The following SLC24A2 variants were observed in gnomAD, a reference collection of about 807,000 sequenced individuals.
SLC24A2 encodes the protein sodium/potassium/calcium exchanger 2.
Under a neutral mutation model 62.0 loss-of-function variants are expected in SLC24A2, and 36 were observed. That is an observed-to-expected ratio of 0.58 (90% CI 0.44 to 0.77). SLC24A2 has a LOEUF of 0.77. SLC24A2 is among the 30% of genes least tolerant of loss of function. The pLI is 0.00. For synonymous variants in SLC24A2, 358 were observed against 294.0 expected, an observed-to-expected ratio of 1.22 and a Z score of -2.23; for missense variants, 846 against 817.9, an observed-to-expected ratio of 1.03 and a Z score of -0.42.
At chr9:19,639,038 G>C (rs1338301772) in intron 2 of SLC24A2, among the ~76,000 whole-genome samples, 4 of 152,166 alleles carry the variant, frequency 2.6e-5, no homozygotes, top group African/African-American at 7.2e-5. Context: ...TATCATCCCA[G>C]ATGGGAACAT....
At chr9:19,521,163 G>T (rs1053602253) in intron 9 of SLC24A2, 103 bp from the exon 10 acceptor site, 6 of 1,008,908 alleles carry the variant, frequency 5.9e-6, no homozygotes, top group Admixed American at 2.0e-5. Flanking sequence ...TTTCTATACT[G>T]TGCTATGCAA....
chr9:20,017,412 A>G, the SLC24A2 span, among the ~76,000 whole-genome samples: 2 of 152,166 alleles, frequency 1.3e-5, no homozygotes, highest in Non-Finnish European at 2.9e-5. Context: ...TATCTTTATC[A>G]TATATTATTA....
the SLC24A2 span, among the ~76,000 whole-genome samples, chr9:20,221,328 C>G: frequency 6.6e-6 from 1 of 151,746 alleles, no homozygotes; most frequent in Non-Finnish European, 1.5e-5. Flanking sequence ...GAGAAGTGGC[C>G]ATTTTCTGGG....
Position 19,572,550 on chromosome 9 carries a change from T to C in SLC24A2, c.1347+801A>G, listed in dbSNP as rs185168144. 4.6e-5 allele frequency among the ~76,000 whole-genome samples: 7 copies of C among 152,276 alleles called. No homozygotes were observed. In the East Asian group the frequency reaches 1.2e-3, roughly 25 times the overall value. ...CCTCTTTTTCTTTCCTGCTCTGCCATGGTAAGACATGCTTGCTTCCCCTTC... is the reference window on the plus strand; with the variant it reads ...CCTCTTTTTCTTTCCTGCTCTGCCACGGTAAGACATGCTTGCTTCCCCTTC... On this transcript the variant is annotated intron_variant, in intron 7 of 10. Coordinates refer to ENST00000341998, the MANE Select transcript of SLC24A2 (RefSeq NM_020344.4).
chr9:19,895,234 T>G, the SLC24A2 span, among the ~76,000 whole-genome samples: 9 of 151,976 alleles, frequency 5.9e-5, no homozygotes, highest in African/African-American at 1.4e-4. Context: ...ATTTTGTTTT[T>G]TTTTTTTTTC....
the SLC24A2 span, among the ~76,000 whole-genome samples, chr9:19,957,123 C>T: frequency 1.1e-4 from 17 of 152,232 alleles, no homozygotes; most frequent in Middle Eastern, 3.4e-3. Context: ...GTAAATGATA[C>T]GAAATATAAT....
the SLC24A2 span, among the ~76,000 whole-genome samples, chr9:20,170,310 T>C: frequency 1.3e-5 from 2 of 152,000 alleles, no homozygotes; most frequent in South Asian, 2.1e-4. Context: ...AATTTACTTC[T>C]GCAGAAGGGT....
chr9:20,166,476 G>A, the SLC24A2 span, among the ~76,000 whole-genome samples: 1 of 151,968 alleles, frequency 6.6e-6, no homozygotes, highest in African/African-American at 2.4e-5. Context: ...CTGTAAAACA[G>A]AGGGAGAAGA....
the SLC24A2 span, among the ~76,000 whole-genome samples, chr9:20,127,081 T>A: frequency 1.3e-5 from 2 of 152,076 alleles, no homozygotes; most frequent in African/African-American, 4.8e-5. Context: ...TACCCCACCC[T>A]AACCCCTCTT....
the SLC24A2 span, among the ~76,000 whole-genome samples, chr9:19,822,443 A>G: frequency 6.6e-6 from 1 of 152,138 alleles, no homozygotes; most frequent in African/African-American, 2.4e-5. Flanking sequence ...CATTTCTTTC[A>G]GGGCCTGTGA....
At chr9:19,579,390 G>A (rs1836135186) in intron 5 of SLC24A2, among the ~76,000 whole-genome samples, 1 of 152,154 alleles carries the variant, frequency 6.6e-6, no homozygotes, top group Non-Finnish European at 1.5e-5. Context: ...TGAGTACTCT[G>A]CAGTCCTCAG....
the SLC24A2 span, among the ~76,000 whole-genome samples, chr9:20,006,509 G>T: frequency 6.6e-6 from 1 of 152,130 alleles, no homozygotes; most frequent in East Asian, 1.9e-4. Flanking sequence ...AATGCTTGAG[G>T]GGATGAATAG....
the SLC24A2 span, among the ~76,000 whole-genome samples, chr9:20,298,847 A>C: frequency 6.6e-6 from 1 of 152,200 alleles, no homozygotes; most frequent in Non-Finnish European, 1.5e-5. Flanking sequence ...TATGCTCTTC[A>C]TTTCCTTTGC....
intron 2 of SLC24A2, among the ~76,000 whole-genome samples, chr9:19,745,952 T>C (rs1248960383): frequency 6.6e-6 from 1 of 152,180 alleles, no homozygotes; most frequent in Non-Finnish European, 1.5e-5. Context: ...TTCTGTGTTT[T>C]AGAAATACTA....
the SLC24A2 span, chr9:19,926,121 T>G: frequency 2.0e-5 from 3 of 152,340 alleles, no homozygotes; most frequent in South Asian, 6.2e-4. Flanking sequence ...CACCTCCCTG[T>G]GTCACGATTC....
Position 19,786,546 on chromosome 9 carries a change from G to T in SLC24A2, c.321C>A (p.Gly107=), listed in dbSNP as rs761386724. 2 of 1,614,120 alleles carry T rather than the reference G, an allele frequency of 1.2e-6. No individual in the cohort carries two copies. Among genetic ancestry groups the T allele is most frequent in the Non-Finnish European group, 8.5e-7 (1 of 1,180,020 alleles). The change falls in exon 2 of 11, where the codon GGC becomes GGA. Residue 107 remains glycine (G), a synonymous_variant. Transcript: ENST00000341998. This position sits in a 1 kb window ranked among gnomAD's most constrained non-coding sequence, Gnocchi z 5.0. Reference sequence around the variant, plus strand: ...CGTGATCTGTACTATTCTCAGACTCGCCTTCCTTAGAAAGAGGTGGCTGTG... The same window carrying T: ...CGTGATCTGTACTATTCTCAGACTCTCCTTCCTTAGAAAGAGGTGGCTGTG... ...YTPQPPLSKE[G]ESENSTDHAQ... is the part of the protein sequence containing the mutation.
At chr9:19,977,313 A>G in the SLC24A2 span, among the ~76,000 whole-genome samples, 1 of 152,240 alleles carries the variant, frequency 6.6e-6, no homozygotes, top group East Asian at 1.9e-4. Flanking sequence ...AGACATTTCA[A>G]TGAAATACTC....
chr9:19,954,447 G>C, the SLC24A2 span, among the ~76,000 whole-genome samples: 37,109 of 151,914 alleles, frequency 0.24, 5,505 homozygotes, highest in South Asian at 0.4. Flanking sequence ...GGTACCAATA[G>C]TAATTGGGAA....
At chr9:19,612,495 A>G (rs540506851) in intron 4 of SLC24A2, among the ~76,000 whole-genome samples, 70 of 152,268 alleles carry the variant, frequency 4.6e-4, no homozygotes, top group African/African-American at 1.6e-3. Flanking sequence ...TAGCTCGCAT[A>G]CTATTAAAAC....
Sources: allele counts gnomAD v4.1 joint callset (sites outside exome capture counted in the v4.1 genomes callset), GRCh38; gene constraint gnomAD v4.1.1; non-coding constraint Gnocchi (gnomAD v3.1); transcripts MANE v1.5; gene names NCBI Gene and HGNC (gene_info 2026-07-23, HGNC 2026-07-21).